Variants in NXPH1 observed in about 807,000 individuals in gnomAD.
NXPH1 encodes neurexophilin-1.
Under a neutral mutation model 23.7 loss-of-function variants are expected in NXPH1, and 5 were observed. The ratio of observed to expected loss-of-function variants is 0.21; its 90% CI spans 0.11 to 0.44. The LOEUF (loss-of-function observed/expected upper bound fraction) is 0.44. Ranked by LOEUF, NXPH1 falls within the 20% of genes least tolerant of loss-of-function variation. NXPH1 has a pLI of 0.99. For synonymous variants in NXPH1, 144 were observed against 122.2 expected, an observed-to-expected ratio of 1.18 and a Z score of -1.18; for missense variants, 324 against 321.6, an observed-to-expected ratio of 1.01 and a Z score of -0.06.
chr7:8,607,245 C>T (rs750452691), intron 2 of NXPH1, among the ~76,000 whole-genome samples: 1 of 152,018 alleles, frequency 6.6e-6, no homozygotes, highest in Non-Finnish European at 1.5e-5. Context: ...TATATTATTG[C>T]TTAAATAGGT....
chr7:8,657,342 G>C (rs1379814680), intron 2 of NXPH1, among the ~76,000 whole-genome samples: 2 of 152,322 alleles, frequency 1.3e-5, no homozygotes, highest in African/African-American at 4.8e-5. Context: ...GGTTGGATTT[G>C]ATAATTTTGT....
chr7:8,499,900 G>A (rs1191973693), intron 2 of NXPH1, among the ~76,000 whole-genome samples: 1 of 152,074 alleles, frequency 6.6e-6, no homozygotes, highest in African/African-American at 2.4e-5. Flanking sequence ...CACATTAGGA[G>A]TTAAAGGTGC....
At chr7:8,658,495 A>G (rs745716874) in intron 2 of NXPH1, among the ~76,000 whole-genome samples, 1 of 152,216 alleles carries the variant, frequency 6.6e-6, no homozygotes, top group African/African-American at 2.4e-5. Flanking sequence ...AACTTGCTTC[A>G]TGTTGATTTG....
At chr7:8,733,791 GGATA>G (rs1267148416) in intron 2 of NXPH1, among the ~76,000 whole-genome samples, 6 of 152,214 alleles carry the variant, frequency 3.9e-5, no homozygotes, top group African/African-American at 1.2e-4. Flanking sequence ...TTTGTCAGAT[GGATA>G]GATTGCAAAA....
At chr7:8,494,996 G>T (rs1338710402) in intron 2 of NXPH1, among the ~76,000 whole-genome samples, 2 of 151,986 alleles carry the variant, frequency 1.3e-5, no homozygotes, top group African/African-American at 2.4e-5. Flanking sequence ...ATAGATTTTT[G>T]TGAGGTTTAA....
chr7:8,623,328 A>T (rs1245054964), intron 2 of NXPH1, among the ~76,000 whole-genome samples: 1 of 152,174 alleles, frequency 6.6e-6, no homozygotes, highest in Non-Finnish European at 1.5e-5. Flanking sequence ...CACAAACTAC[A>T]AAGTGATTGG....
chr7:8,597,864 C>A (rs533051572), intron 2 of NXPH1, among the ~76,000 whole-genome samples: 1 of 152,178 alleles, frequency 6.6e-6, no homozygotes, highest in Admixed American at 6.6e-5. Context: ...AATTGAAATG[C>A]CCTTTTAGCA....
chr7:8,612,056 CTT>C (rs948282592), intron 2 of NXPH1, among the ~76,000 whole-genome samples: 4 of 152,012 alleles, frequency 2.6e-5, no homozygotes, highest in African/African-American at 9.7e-5. Flanking sequence ...AGAACTGACT[CTT>C]TGGGAATTCA....
At chr7:8,699,520 T>C (rs1488572759) in intron 2 of NXPH1, among the ~76,000 whole-genome samples, 1 of 152,134 alleles carries the variant, frequency 6.6e-6, no homozygotes, top group African/African-American at 2.4e-5. Flanking sequence ...AAAGTAATTT[T>C]GAACAGATAT....
At chr7:8,687,732 C>T (rs926391655) in intron 2 of NXPH1, among the ~76,000 whole-genome samples, 1 of 152,114 alleles carries the variant, frequency 6.6e-6, no homozygotes, top group Non-Finnish European at 1.5e-5. Flanking sequence ...GATATCTGTA[C>T]ATCACCTCAT....
intron 2 of NXPH1, among the ~76,000 whole-genome samples, chr7:8,694,466 G>GA (rs1225882804): frequency 3.3e-5 from 5 of 151,634 alleles, no homozygotes; most frequent in South Asian, 2.1e-4. Flanking sequence ...ATATGGTAGA[G>GA]AAAAAAAAGG....
intron 2 of NXPH1, among the ~76,000 whole-genome samples, chr7:8,716,182 G>T (rs140424980): frequency 1.3e-5 from 2 of 152,062 alleles, no homozygotes; most frequent in Non-Finnish European, 2.9e-5. Flanking sequence ...GAATGTGAGC[G>T]TCAGAATAAA....
intron 2 of NXPH1, among the ~76,000 whole-genome samples, chr7:8,455,684 G>A (rs1218285189): frequency 6.6e-6 from 1 of 152,170 alleles, no homozygotes; most frequent in Non-Finnish European, 1.5e-5. Context: ...GGCTGTTTGT[G>A]AAGACAAGTT....
intron 2 of NXPH1, among the ~76,000 whole-genome samples, chr7:8,507,842 C>T: frequency 6.6e-6 from 1 of 152,112 alleles, no homozygotes; most frequent in East Asian, 1.9e-4. Context: ...TTGCTACCTG[C>T]CTTGTGGCTG....
intron 2 of NXPH1, among the ~76,000 whole-genome samples, chr7:8,668,770 TG>T (rs1167960174): frequency 6.6e-6 from 1 of 151,690 alleles, no homozygotes; most frequent in African/African-American, 2.4e-5. Flanking sequence ...CTTGTGTTCA[TG>T]GGGGCAAGTA....
intron 2 of NXPH1, among the ~76,000 whole-genome samples, chr7:8,687,495 T>C (rs1165470522): frequency 1.3e-5 from 2 of 152,184 alleles, no homozygotes; most frequent in African/African-American, 4.8e-5. Flanking sequence ...TTTTACCTCA[T>C]TTTTCTAATC....
chr7:8,562,418 T>C (rs900727484), intron 2 of NXPH1, among the ~76,000 whole-genome samples: 1 of 151,760 alleles, frequency 6.6e-6, no homozygotes, highest in Non-Finnish European at 1.5e-5. Context: ...AAATGCATGA[T>C]TTTTAATGGT....
intron 2 of NXPH1, among the ~76,000 whole-genome samples, chr7:8,663,225 T>C (rs907637392): frequency 3.9e-5 from 6 of 152,088 alleles, no homozygotes; most frequent in Middle Eastern, 3.2e-3. Context: ...TTGGTAGACA[T>C]CAGGGTCCCC....
chr7:8,528,963 G>C (rs927972154), intron 2 of NXPH1, among the ~76,000 whole-genome samples: 1 of 152,234 alleles, frequency 6.6e-6, no homozygotes, highest in African/African-American at 2.4e-5. Context: ...CTCAATCAAG[G>C]TATCCCATGT....
Sources: allele counts gnomAD v4.1 joint callset (sites outside exome capture counted in the v4.1 genomes callset), GRCh38; gene constraint gnomAD v4.1.1; transcripts MANE v1.5; gene names NCBI Gene and HGNC (gene_info 2026-07-23, HGNC 2026-07-21).